ARMH3: variants seen among roughly 807,000 people sequenced by gnomAD.
ARMH3 encodes armadillo like helical domain containing 3.
Under a neutral mutation model 99.1 loss-of-function variants are expected in ARMH3, and 60 were observed. The observed-to-expected ratio is 0.61, with a 90% CI of 0.49 to 0.75. The LOEUF (loss-of-function observed/expected upper bound fraction) is 0.75. ARMH3 is among the 30% of genes least tolerant of loss of function. The pLI is 0.00. For synonymous variants in ARMH3, 285 were observed against 292.8 expected, an observed-to-expected ratio of 0.97 and a Z score of 0.27; for missense variants, 679 against 843.1, an observed-to-expected ratio of 0.81 and a Z score of 2.41.
At chr10:101,973,161 C>G (rs1845843259) in intron 20 of ARMH3, among the ~76,000 whole-genome samples, 1 of 151,902 alleles carries the variant, frequency 6.6e-6, no homozygotes, top group African/African-American at 2.4e-5. Flanking sequence ...GAGTTCGAGA[C>G]CATCCTGCCT....
chr10:102,026,632 G>C (rs745440081), intron 5 of ARMH3, among the ~76,000 whole-genome samples: 18 of 152,200 alleles, frequency 1.2e-4, no homozygotes, highest in Non-Finnish European at 2.9e-5. Context: ...TTTTAAGGGA[G>C]TATAAAGAAT....
chr10:101,941,275 T>G (rs1208962612), intron 22 of ARMH3, among the ~76,000 whole-genome samples: 1 of 152,178 alleles, frequency 6.6e-6, no homozygotes, highest in Non-Finnish European at 1.5e-5. Flanking sequence ...GAAAGAATTG[T>G]TATATATAAA....
intron 1 of ARMH3, among the ~76,000 whole-genome samples, chr10:102,047,162 A>C (rs867980206): frequency 6.6e-6 from 1 of 152,278 alleles, no homozygotes; most frequent in Middle Eastern, 3.4e-3. Context: ...AAACACCCTA[A>C]TGTCCACTAC....
At chr10:101,896,356 G>A (rs959757865) in intron 23 of ARMH3, among the ~76,000 whole-genome samples, 2 of 152,220 alleles carry the variant, frequency 1.3e-5, no homozygotes, top group African/African-American at 4.8e-5. Context: ...TTATAGGAAA[G>A]GTCCAGAATA....
At chr10:101,872,661 A>G (rs2067158481) in intron 24 of ARMH3, among the ~76,000 whole-genome samples, 2 of 152,232 alleles carry the variant, frequency 1.3e-5, no homozygotes, top group South Asian at 4.2e-4. Context: ...ATAATATTAA[A>G]AAGTTGTAAT....
At chr10:101,997,501 G>C (rs1402357768) in intron 15 of ARMH3, among the ~76,000 whole-genome samples, 1 of 151,032 alleles carries the variant, frequency 6.6e-6, no homozygotes, top group African/African-American at 2.4e-5. Flanking sequence ...CTGAGGCAGG[G>C]GAATCGCTTG....
At chr10:102,041,088 ATAAT>A (rs1446445859) in intron 1 of ARMH3, among the ~76,000 whole-genome samples, 1 of 133,066 alleles carries the variant, frequency 7.5e-6, no homozygotes, top group African/African-American at 2.7e-5. Context: ...ATATATATAT[ATAAT>A]ATATATATAT....
At chr10:101,955,662 T>C (rs1844997654) in intron 22 of ARMH3, among the ~76,000 whole-genome samples, 1 of 152,176 alleles carries the variant, frequency 6.6e-6, no homozygotes, top group African/African-American at 2.4e-5. Context: ...TTTTCACAAT[T>C]AATCTCATCA....
chr10:101,969,186 A>G (rs961150262), intron 20 of ARMH3, among the ~76,000 whole-genome samples: 1 of 152,210 alleles, frequency 6.6e-6, no homozygotes, highest in Admixed American at 6.5e-5. Flanking sequence ...TAAAAGAAGC[A>G]ATGTTGTAGA....
At chr10:101,886,511 AAAAC>A (rs1037634252) in intron 24 of ARMH3, among the ~76,000 whole-genome samples, 13 of 152,130 alleles carry the variant, frequency 8.5e-5, no homozygotes, top group African/African-American at 1.9e-4. Context: ...CTCTGTCTCA[AAAAC>A]AAACAAACAA....
At chr10:101,991,270 A>C (rs1846777512) in intron 18 of ARMH3, among the ~76,000 whole-genome samples, 1 of 152,236 alleles carries the variant, frequency 6.6e-6, no homozygotes, top group South Asian at 2.1e-4. Context: ...CTGTCAACTC[A>C]GTCAGCCTCA....
chr10:101,987,144 A>G (rs1235245306), intron 19 of ARMH3, among the ~76,000 whole-genome samples: 1 of 152,116 alleles, frequency 6.6e-6, no homozygotes, highest in Non-Finnish European at 1.5e-5. Flanking sequence ...CCCACCTTCA[A>G]CTGTTCCTCA....
At chr10:101,968,551 A>T (rs7095831) in intron 20 of ARMH3, among the ~76,000 whole-genome samples, 33,290 of 152,086 alleles carry the variant, frequency 0.22, 4,053 homozygotes, top group East Asian at 0.52. Context: ...TACTTGACAA[A>T]ATGCTCATGG....
intron 8 of ARMH3, among the ~76,000 whole-genome samples, chr10:102,021,132 A>AGGGG (rs1268940337): frequency 6.6e-6 from 1 of 152,150 alleles, no homozygotes; most frequent in Non-Finnish European, 1.5e-5. Flanking sequence ...GCTGGAGTGC[A>AGGGG]GGGGCGTGAC....
intron 24 of ARMH3, among the ~76,000 whole-genome samples, chr10:101,885,336 A>G (rs947700906): frequency 6.6e-6 from 1 of 152,234 alleles, no homozygotes; most frequent in African/African-American, 2.4e-5. Flanking sequence ...TAATACGCCA[A>G]TGTTCAAAAG....
intron 19 of ARMH3, among the ~76,000 whole-genome samples, chr10:101,985,483 G>A (rs57828324): frequency 0.013 from 1,903 of 152,020 alleles, 27 homozygotes; most frequent in African/African-American, 0.044. Context: ...GGGAGGCTGA[G>A]GCAGGGGGAT....
intron 24 of ARMH3, among the ~76,000 whole-genome samples, chr10:101,874,601 CT>C (rs1177122006): frequency 1.3e-5 from 2 of 152,146 alleles, no homozygotes; most frequent in African/African-American, 4.8e-5. Flanking sequence ...GTGTAATTAC[CT>C]GGGCTTTCTA....
At chr10:101,996,335 T>C (rs957534716) in intron 15 of ARMH3, among the ~76,000 whole-genome samples, 3 of 152,230 alleles carry the variant, frequency 2.0e-5, no homozygotes, top group Admixed American at 2.0e-4. Flanking sequence ...CTATTTACCC[T>C]GACATTGACC....
chr10:101,887,549 G>A (rs1408705994), intron 24 of ARMH3, among the ~76,000 whole-genome samples: 4 of 149,710 alleles, frequency 2.7e-5, no homozygotes, highest in East Asian at 2.0e-4. Context: ...GACTACAGGT[G>A]CACACCACCA....
Sources: allele counts gnomAD v4.1 joint callset (sites outside exome capture counted in the v4.1 genomes callset), GRCh38; gene constraint gnomAD v4.1.1; transcripts MANE v1.5; gene names NCBI Gene and HGNC (gene_info 2026-07-23, HGNC 2026-07-21).